The following PJA2 variants were observed in gnomAD, a reference collection of about 807,000 sequenced individuals.
The protein encoded by PJA2 is E3 ubiquitin-protein ligase Praja-2.
A neutral mutation model predicts 69.3 loss-of-function variants in PJA2; 25 were observed. That is an observed-to-expected ratio of 0.36 (90% CI 0.26 to 0.50). The LOEUF is 0.50. Ranked by LOEUF, PJA2 falls within the 20% of genes least tolerant of loss-of-function variation. PJA2 has a pLI of 0.96. For missense variants in PJA2, 809 were observed against 830.2 expected (o/e 0.97, Z 0.31); for synonymous variants, 308 against 277.8 (o/e 1.11, Z -1.08).
At chr5:109,372,842 T>C (rs1348516139) in intron 4 of PJA2, among the ~76,000 whole-genome samples, 1 of 136,146 alleles carries the variant, frequency 7.3e-6, no homozygotes. Flanking sequence ...GAGGTGGAGG[T>C]TGTGGTGAGC....
Position 109,393,748 on chromosome 5 carries a change from T to A in PJA2, c.-87-10228A>T, listed in dbSNP as rs936274799. ...AATGGGTGAATATAACAGAATATAT[T>A]TGTAGGCAGAATACTACACAACAAA... On this transcript the variant is annotated intron_variant, in intron 1 of 9. Coordinates refer to ENST00000361189, the MANE Select transcript of PJA2 (RefSeq NM_014819.5). Among the ~76,000 whole-genome samples the A allele has an allele frequency of 1.3e-4, 20 of 151,994 alleles. 1 individual carries two copies. The highest frequency in any genetic ancestry group is 4.8e-4 in the African/African-American group (20 of 41,364).
At chr5:109,380,643 AC>A (rs1747020275) in intron 3 of PJA2, among the ~76,000 whole-genome samples, 2 of 151,684 alleles carry the variant, frequency 1.3e-5, no homozygotes, top group African/African-American at 4.8e-5. Flanking sequence ...CCCCATCTCT[AC>A]CAAAAAATAC....
intron 9 of PJA2, among the ~76,000 whole-genome samples, chr5:109,342,606 T>G (rs1450501677): frequency 1.6e-5 from 1 of 61,148 alleles, no homozygotes; most frequent in Admixed American, 1.6e-4. Context: ...TACTGGGAAG[T>G]GAGGAGCCCC....
At chr5:109,337,516 C>A (rs1761969495) in intron 9 of PJA2, among the ~76,000 whole-genome samples, 160 bp from the exon 10 acceptor site, 1 of 152,114 alleles carries the variant, frequency 6.6e-6, no homozygotes, top group Non-Finnish European at 1.5e-5. Context: ...AATTTTAATA[C>A]CTTTTCCTCC....
At chr5:109,393,947 T>A (rs547268502) in intron 1 of PJA2, among the ~76,000 whole-genome samples, 1 of 151,306 alleles carries the variant, frequency 6.6e-6, no homozygotes, top group East Asian at 1.9e-4. Context: ...GAGAGAATAA[T>A]CACCTTTTCT....
intron 9 of PJA2, among the ~76,000 whole-genome samples, chr5:109,341,226 G>A (rs1338520115): frequency 6.9e-6 from 1 of 145,352 alleles, no homozygotes; most frequent in African/African-American, 2.5e-5. Flanking sequence ...ATCACATCTA[G>A]GAAGTGAGGA....
At chr5:109,339,971 C>CT (rs1762013424) in intron 9 of PJA2, among the ~76,000 whole-genome samples, 1 of 152,176 alleles carries the variant, frequency 6.6e-6, no homozygotes, top group Non-Finnish European at 1.5e-5. Flanking sequence ...TATTTTAAAA[C>CT]TAATTCAGAA....
At chr5:109,401,799 C>A (rs1052654694) in intron 1 of PJA2, among the ~76,000 whole-genome samples, 7 of 152,118 alleles carry the variant, frequency 4.6e-5, no homozygotes, top group African/African-American at 1.7e-4. Flanking sequence ...CACAGAAAAT[C>A]AATTTTAATT....
chr5:109,359,031 T>TCCACCTCTG (rs570113913), intron 6 of PJA2, among the ~76,000 whole-genome samples: 1 of 152,130 alleles, frequency 6.6e-6, no homozygotes, highest in Admixed American at 6.6e-5. Flanking sequence ...CAGTTTTTTT[T>TCCACCTCTG]CCACCTCTGC....
chr5:109,373,053 C>T (rs113182591), intron 4 of PJA2, among the ~76,000 whole-genome samples: 36 of 151,932 alleles, frequency 2.4e-4, no homozygotes, highest in Non-Finnish European at 4.4e-4. Context: ...GAGATTGCAC[C>T]GCTGCACTCC....
intron 1 of PJA2, among the ~76,000 whole-genome samples, chr5:109,407,821 T>A (rs746664002): frequency 3.3e-5 from 5 of 151,938 alleles, no homozygotes; most frequent in Non-Finnish European, 5.9e-5. Flanking sequence ...AGAAAAACTA[T>A]AAAAATTTCC....
chr5:109,355,403 T>C (rs967583701), intron 7 of PJA2, among the ~76,000 whole-genome samples: 13 of 152,166 alleles, frequency 8.5e-5, no homozygotes, highest in African/African-American at 2.9e-4. Flanking sequence ...TTTTCTGTTT[T>C]AGTTAAATAA....
intron 4 of PJA2, among the ~76,000 whole-genome samples, chr5:109,376,643 A>T (rs1746893997): frequency 6.6e-6 from 1 of 152,164 alleles, no homozygotes. Flanking sequence ...GGGAAAAAAA[A>T]TACAAGCACC....
At chr5:109,364,165 C>G (rs1196725625) in intron 5 of PJA2, among the ~76,000 whole-genome samples, 1 of 151,854 alleles carries the variant, frequency 6.6e-6, no homozygotes, top group African/African-American at 2.4e-5. Flanking sequence ...CAAAAAAGGA[C>G]TCATCAACAA....
At chr5:109,399,923 A>G (rs1470189093) in intron 1 of PJA2, among the ~76,000 whole-genome samples, 2 of 152,170 alleles carry the variant, frequency 1.3e-5, no homozygotes, top group Non-Finnish European at 2.9e-5. Flanking sequence ...AAAAATAAAA[A>G]ACAGTTAACA....
intron 4 of PJA2, among the ~76,000 whole-genome samples, chr5:109,371,995 TGATA>T (rs1046845632): frequency 2.0e-5 from 3 of 152,226 alleles, no homozygotes; most frequent in Non-Finnish European, 4.4e-5. Flanking sequence ...TCACAATGCC[TGATA>T]AATAATGAGC....
intron 1 of PJA2, among the ~76,000 whole-genome samples, chr5:109,396,425 T>G (rs1228567379): frequency 7.2e-6 from 1 of 139,340 alleles, no homozygotes; most frequent in African/African-American, 2.7e-5. Flanking sequence ...TAAAGTTCTT[T>G]TTTTTTTTTT....
intron 7 of PJA2, among the ~76,000 whole-genome samples, chr5:109,349,647 T>C (rs911693966): frequency 1.3e-5 from 2 of 152,146 alleles, no homozygotes; most frequent in African/African-American, 2.4e-5. Context: ...TTCTCTCTCA[T>C]ACAGCAAGCC....
chr5:109,396,889 A>G (rs1185055466), intron 1 of PJA2, among the ~76,000 whole-genome samples: 1 of 152,194 alleles, frequency 6.6e-6, no homozygotes, highest in Non-Finnish European at 1.5e-5. Context: ...GAAAAGAAAT[A>G]TAAAAGAAAA....
Sources: gnomAD v4.1 joint callset for allele counts (sites outside exome capture counted in the v4.1 genomes callset) on GRCh38, gnomAD v4.1.1 for gene constraint, MANE v1.5 for transcripts, NCBI Gene and HGNC (gene_info 2026-07-23, HGNC 2026-07-21) for gene names.